Variants in NOS1 observed in about 807,000 individuals in gnomAD.
NOS1 encodes NOS type I.
Under a neutral mutation model 164.5 loss-of-function variants are expected in NOS1, and 51 were observed. The observed-to-expected ratio is 0.31, with a 90% CI of 0.25 to 0.39. The LOEUF is 0.39. NOS1 is among the 10% of genes least tolerant of loss of function. The pLI is 1.00. For missense variants in NOS1, 1,362 were observed against 1,885.6 expected (o/e 0.72, Z 5.14); for synonymous variants, 719 against 745.8 (o/e 0.96, Z 0.59).
intron 2 of NOS1, among the ~76,000 whole-genome samples, chr12:117,329,261 A>G: frequency 6.6e-6 from 1 of 152,186 alleles, no homozygotes; most frequent in East Asian, 1.9e-4. Flanking sequence ...TGCCTGACAC[A>G]CAGTAGGTCC....
At chr12:117,296,255 T>C (rs1189699527) in intron 3 of NOS1, among the ~76,000 whole-genome samples, 2 of 152,188 alleles carry the variant, frequency 1.3e-5, no homozygotes, top group Non-Finnish European at 2.9e-5. Flanking sequence ...CCAAATTTAT[T>C]TGAAGCCTGT....
At chr12:117,361,338 G>T (rs1418027750) in intron 1 of NOS1, among the ~76,000 whole-genome samples, 174 bp downstream of exon 1, 1 of 147,008 alleles carries the variant, frequency 6.8e-6, no homozygotes, top group Non-Finnish European at 1.5e-5. Context: ...CTTCCCCTCC[G>T]CTTTGTGCCT....
chr12:117,313,630 C>T (rs564111856), intron 2 of NOS1, among the ~76,000 whole-genome samples: 3 of 152,242 alleles, frequency 2.0e-5, no homozygotes, highest in Admixed American at 1.3e-4. Flanking sequence ...GTTTTCCTGG[C>T]TTCCTGTCCC....
At position 117,208,378 on chromosome 12, in the gene NOS1, G is replaced by A. The variant is rs1269513141; in HGVS notation, c.*6931C>T. 7 of 1,288,146 alleles carry A rather than the reference G, an allele frequency of 5.4e-6. No individual in the cohort carries two copies. Among genetic ancestry groups the A allele is most frequent in the African/African-American group, 1.5e-5 (1 of 65,698 alleles). 79.8% of individuals were successfully genotyped at this position (1,288,146 alleles called of 1,614,324 possible). A position where few individuals can be genotyped will look rare whatever the true frequency, so the allele number is the denominator to read the frequency against. On this transcript the variant is annotated 3_prime_UTR_variant, in exon 29 of 29. Transcript: ENST00000317775. ...GAGCTCAGAGGTAGGGGGGACGGCC[G>A]AGTTTCTGACAGCGTGTGTGTGTGT... is the stretch of plus-strand genomic sequence containing the variant.
chr12:117,349,637 C>G (rs1353384598), intron 1 of NOS1, among the ~76,000 whole-genome samples: 1 of 152,166 alleles, frequency 6.6e-6, no homozygotes, highest in Non-Finnish European at 1.5e-5. Context: ...GGAGTATCCA[C>G]CATATTTTGG....
chr12:117,275,942 C>T (rs2136003166), intron 9 of NOS1, among the ~76,000 whole-genome samples: 1 of 152,198 alleles, frequency 6.6e-6, no homozygotes, highest in East Asian at 1.9e-4. Context: ...AGGGCAAATG[C>T]TGTTTGTGTT....
chr12:117,319,137 G>C (rs773191410), intron 2 of NOS1, among the ~76,000 whole-genome samples: 1 of 152,234 alleles, frequency 6.6e-6, no homozygotes, highest in East Asian at 1.9e-4. Context: ...ATGCAGCCTC[G>C]AACTTCTGGG....
At chr12:117,347,515 CATTT>C (rs1486816386) in intron 1 of NOS1, among the ~76,000 whole-genome samples, 8 of 152,236 alleles carry the variant, frequency 5.3e-5, no homozygotes, top group African/African-American at 7.2e-5. Flanking sequence ...CCCCGTCATT[CATTT>C]GTTTCTTGCA....
intron 1 of NOS1, among the ~76,000 whole-genome samples, chr12:117,352,025 T>C (rs1175350655): frequency 6.6e-6 from 1 of 151,984 alleles, no homozygotes; most frequent in African/African-American, 2.4e-5. Flanking sequence ...TACAAAAAAT[T>C]AGCCAGGTGT....
At chr12:117,217,724 C>T (rs1386178464) in intron 28 of NOS1, among the ~76,000 whole-genome samples, 1 of 151,620 alleles carries the variant, frequency 6.6e-6, no homozygotes, top group South Asian at 2.1e-4. Context: ...AGCAACTTCC[C>T]AGAGGTAGGA....
Position 117,263,900 on chromosome 12 carries a change from C to T in NOS1, c.2211G>A (p.Lys737=), listed in dbSNP as rs1411771227. The change falls in exon 13 of 29, where the codon AAG becomes AAA. Residue 737 remains lysine (K), a synonymous_variant. Coordinates refer to ENST00000317775, the MANE Select transcript of NOS1 (RefSeq NM_000620.5). ...TGCACGAAACTTACTCTGCTAGCTT[C>T]TTGAAGCCAATGGCTCGCCGCTTTG... The part of the protein sequence containing the change: ...TPTKRRAIGF[K]KLAEAVKFSA... 3 of 1,613,888 alleles carry T rather than the reference C, an allele frequency of 1.9e-6. No individual in the cohort carries two copies. The highest frequency in any genetic ancestry group is 1.1e-5 in the South Asian group (1 of 91,072).
chr12:117,317,261 T>C (rs1436232322), intron 2 of NOS1, among the ~76,000 whole-genome samples: 3 of 151,830 alleles, frequency 2.0e-5, no homozygotes. Flanking sequence ...TTCTGAGATG[T>C]CTGGATGGTA....
intron 1 of NOS1, among the ~76,000 whole-genome samples, chr12:117,350,915 C>G (rs1045158143): frequency 2.6e-5 from 4 of 152,146 alleles, no homozygotes; most frequent in Non-Finnish European, 4.4e-5. Flanking sequence ...AGATGGGGAC[C>G]ATACTGGCTA....
At chr12:117,231,620 C>A (rs1273164333) in intron 22 of NOS1, among the ~76,000 whole-genome samples, 1 of 151,864 alleles carries the variant, frequency 6.6e-6, no homozygotes, top group East Asian at 1.9e-4. Context: ...ATCTTTAAAC[C>A]AAGGCATGGT....
intron 13 of NOS1, among the ~76,000 whole-genome samples, chr12:117,262,411 AGAGG>A (rs200474462): frequency 0.014 from 1,757 of 126,426 alleles, 46 homozygotes; most frequent in African/African-American, 0.051. Context: ...GGAAGGAGAG[AGAGG>A]GAGGGAGGGA....
chr12:117,319,667 C>T (rs931474239), intron 2 of NOS1, among the ~76,000 whole-genome samples: 2 of 152,076 alleles, frequency 1.3e-5, no homozygotes, highest in Non-Finnish European at 2.9e-5. Flanking sequence ...TTGATTTTGC[C>T]GCAAATTCAC....
At chr12:117,257,607 C>CTTTTTTTTTTTTT (rs151304592) in intron 16 of NOS1, among the ~76,000 whole-genome samples, 2 of 99,120 alleles carry the variant, frequency 2.0e-5, no homozygotes, top group Non-Finnish European at 1.9e-5. Flanking sequence ...TTGATTTTAG[C>CTTTTTTTTTTTTT]TTTTTTTTTT....
intron 18 of NOS1, among the ~76,000 whole-genome samples, chr12:117,246,645 T>C (rs1057111251): frequency 1.3e-5 from 2 of 152,174 alleles, no homozygotes; most frequent in African/African-American, 4.8e-5. Flanking sequence ...CCCATCCCCA[T>C]AACCCCTAGC....
At chr12:117,225,512 A>T (rs1296429722) in intron 24 of NOS1, among the ~76,000 whole-genome samples, 1 of 152,124 alleles carries the variant, frequency 6.6e-6, no homozygotes, top group Non-Finnish European at 1.5e-5. Flanking sequence ...AGATGCCAGG[A>T]GTACATGTGA....
Sources: gnomAD v4.1 joint callset for allele counts (sites outside exome capture counted in the v4.1 genomes callset) on GRCh38, gnomAD v4.1.1 for gene constraint, MANE v1.5 for transcripts, NCBI Gene and HGNC (gene_info 2026-07-23, HGNC 2026-07-21) for gene names.